The following TGFBI variants were observed in gnomAD, a reference collection of about 807,000 sequenced individuals.
TGFBI encodes the protein transforming growth factor beta induced.
A neutral mutation model predicts 73.7 loss-of-function variants in TGFBI; 50 were observed. The observed-to-expected ratio is 0.68, with a 90% confidence interval of 0.54 to 0.86. TGFBI has a LOEUF of 0.86. Ranked by LOEUF, TGFBI falls within the 40% of genes least tolerant of loss-of-function variation. The pLI is 0.00. For synonymous variants in TGFBI, 362 were observed against 360.5 expected (o/e 1.00, Z -0.05); for missense variants, 839 against 877.0 (o/e 0.96, Z 0.55).
At chr5:136,052,778 G>A (rs1751558021) in intron 7 of TGFBI, 129 bp from the exon 8 acceptor site, 2 of 893,718 alleles carry the variant, frequency 2.2e-6, no homozygotes, top group African/African-American at 1.7e-5. Context: ...GGGCCCTGTG[G>A]TGCCCCAGCC....
At chr5:136,041,267 T>G (rs180966291) in intron 2 of TGFBI, among the ~76,000 whole-genome samples, 2 of 152,328 alleles carry the variant, frequency 1.3e-5, no homozygotes, top group South Asian at 2.1e-4. Context: ...CACACTCGGT[T>G]AACCAGGAAA....
intron 2 of TGFBI, among the ~76,000 whole-genome samples, chr5:136,036,605 C>T (rs1436685282): frequency 1.3e-5 from 2 of 152,104 alleles, no homozygotes; most frequent in Non-Finnish European, 2.9e-5. Flanking sequence ...ACTGTCTGAC[C>T]ACCATACGGT....
intron 4 of TGFBI, 169 bp downstream of exon 4, chr5:136,046,664 A>T: frequency 8.3e-7 from 1 of 1,207,810 alleles, no homozygotes; most frequent in South Asian, 1.6e-5. Flanking sequence ...ATGTCTTACC[A>T]GGTTGCGTCT....
At position 136,054,814 on chromosome 5, in the gene TGFBI, C is replaced by T; in HGVS notation, c.1363C>T (p.Leu455=). The part of the protein sequence containing the change: ...ASKYLYHGQT[L]ETLGGKKLRV... Reference sequence around the variant, plus strand: ...TAAGTATCTGTACCATGGACAGACCCTGGAAACTCTGGGCGGCAAAAAACT... The same window carrying T: ...TAAGTATCTGTACCATGGACAGACCTTGGAAACTCTGGGCGGCAAAAAACT... The change falls in exon 10 of 17, where the codon CTG becomes TTG. Residue 455 remains leucine, a synonymous_variant. Coordinates refer to ENST00000442011, the MANE Select transcript of TGFBI (RefSeq NM_000358.3). The T allele has an allele frequency of 6.2e-7, 1 of 1,613,942 alleles. No homozygotes were observed. The highest frequency in any genetic ancestry group is 8.5e-7 in the Non-Finnish European group (1 of 1,179,886).
At chr5:136,050,736 A>G (rs1415410583) in intron 7 of TGFBI, among the ~76,000 whole-genome samples, 1 of 152,234 alleles carries the variant, frequency 6.6e-6, no homozygotes, top group Non-Finnish European at 1.5e-5. Context: ...TGCATTTCAG[A>G]CACCCTATAC....
At chr5:136,053,477 C>T (rs1183850722) in intron 8 of TGFBI, among the ~76,000 whole-genome samples, 1 of 152,236 alleles carries the variant, frequency 6.6e-6, no homozygotes, top group African/African-American at 2.4e-5. Context: ...GTCACTGACC[C>T]AGTTAGAATG....
At position 136,060,695 on chromosome 5, in the gene TGFBI, A is replaced by G. The variant is rs1048730067; in HGVS notation, c.1804-139A>G. Reference sequence around the variant, plus strand: ...ACTGCACTCCAGCCTGGGCGACAAGATTGAAACTCCATCTCAAAAACAAAG... The same window carrying G: ...ACTGCACTCCAGCCTGGGCGACAAGGTTGAAACTCCATCTCAAAAACAAAG... On this transcript the variant is annotated intron_variant, in intron 13 of 16. Coordinates refer to ENST00000442011, the MANE Select transcript of TGFBI (RefSeq NM_000358.3). 6 of 585,974 alleles carry G rather than the reference A, an allele frequency of 1.0e-5. No individual in the cohort carries two copies. The African/African-American group carries it at 1.1e-4, about 11-fold the overall frequency. The allele number at this position is 585,974 out of a possible 1,614,324, so 36.3% of individuals were successfully genotyped here.
chr5:136,061,052 T>G, intron 14 of TGFBI, 116 bp downstream of exon 14: 1 of 773,226 alleles, frequency 1.3e-6, no homozygotes, highest in Non-Finnish European at 2.0e-6. Flanking sequence ...TTGTGATAGT[T>G]AAACTGTGCC....
chr5:136,062,907 G>A (rs1023667987), intron 16 of TGFBI, among the ~76,000 whole-genome samples: 4 of 152,208 alleles, frequency 2.6e-5, no homozygotes, highest in African/African-American at 7.2e-5. Flanking sequence ...AACCTTTTAG[G>A]GTTAAGGTGA....
rs372436914 is a variant in TGFBI, at chr5:136,046,410, C to T, written c.374C>T (p.Thr125Met). ...ACCACTCAGCTGTACACGGACCGCACGGAGAAGCTGAGGCCTGAGATGGAG... is the reference window on the plus strand; with the variant it reads ...ACCACTCAGCTGTACACGGACCGCATGGAGAAGCTGAGGCCTGAGATGGAG... ...STTTQLYTDR[T>M]EKLRPEMEGP... The change falls in exon 4 of 17, where the codon ACG becomes ATG. Residue 125 changes from threonine (T) to methionine (M), a missense_variant. Thr to Met is a moderately conservative substitution (Grantham distance 81). Transcript: ENST00000442011. 1.9e-5 allele frequency: 31 copies of T among 1,613,778 alleles called. No homozygotes were observed. The highest frequency in any genetic ancestry group is 1.6e-4 in the Middle Eastern group (1 of 6,080).
At position 136,046,790 on chromosome 5, in the gene TGFBI, G is replaced by C. The variant is rs1340002224; in HGVS notation, c.460-61G>C. Reference sequence around the variant, plus strand: ...GAGAACATGTTTCCCAGAGTTGCAAGGACCCATCTCTTAAACACAGAGTCT... The same window carrying C: ...GAGAACATGTTTCCCAGAGTTGCAACGACCCATCTCTTAAACACAGAGTCT... On this transcript the variant is annotated intron_variant, in intron 4 of 16. Transcript: ENST00000442011. 18 of 1,551,810 alleles carry C rather than the reference G, an allele frequency of 1.2e-5. No individual in the cohort carries two copies. The South Asian group carries it at 2.2e-4, about 19-fold the overall frequency.
chr5:136,044,434 C>T (rs1017937740), intron 3 of TGFBI, among the ~76,000 whole-genome samples: 6 of 152,256 alleles, frequency 3.9e-5, no homozygotes, highest in Admixed American at 2.0e-4. Flanking sequence ...CTGCCTCTGG[C>T]TGGGAGTGAT....
chr5:136,053,069 C>A lies in TGFBI; in HGVS notation c.1076C>A (p.Ala359Asp), dbSNP rs181628475. The A allele has an allele frequency of 6.2e-7, 1 of 1,614,062 alleles. No homozygotes were observed. Among genetic ancestry groups the A allele is most frequent in the Non-Finnish European group, 8.5e-7 (1 of 1,179,900 alleles). ...KAIISNKDIL[A>D]TNGVIHYIDE... ...ATCATCTCCAATAAAGACATCCTAG[C>A]CACCAACGGGGTGATCCACTACATT... The change falls in exon 8 of 17, where the codon GCC (alanine) becomes GAC (aspartate). Residue 359 changes from alanine (A) to aspartate (D), a missense_variant. Physicochemically the swap from Ala to Asp is moderately radical, Grantham distance 126 (BLOSUM62 -2). Transcript: ENST00000442011.
intron 15 of TGFBI, 98 bp downstream of exon 15, chr5:136,061,677 T>C (rs769336010): frequency 2.1e-6 from 2 of 975,172 alleles, no homozygotes; most frequent in Admixed American, 3.7e-5. Context: ...CCTTGGCTGC[T>C]CCCCAGGGCT....
chr5:136,061,638 C>A, intron 15 of TGFBI, 59 bp downstream of exon 15: 1 of 1,415,028 alleles, frequency 7.1e-7, no homozygotes, highest in Non-Finnish European at 1.0e-6. Flanking sequence ...CTGTTTGGGC[C>A]ATAGAGGAGC....
intron 12 of TGFBI, among the ~76,000 whole-genome samples, chr5:136,058,091 A>T (rs1302235085): frequency 1.3e-5 from 2 of 152,070 alleles, no homozygotes; most frequent in African/African-American, 4.8e-5. Flanking sequence ...AGGACATCCC[A>T]TGCACCCCAG....
At chr5:136,035,827 G>A (rs920589040) in intron 2 of TGFBI, among the ~76,000 whole-genome samples, 1 of 152,072 alleles carries the variant, frequency 6.6e-6, no homozygotes, top group Non-Finnish European at 1.5e-5. Context: ...GGGCTTCAGA[G>A]GGCCATCTTT....
chr5:136,046,068 A>G, intron 3 of TGFBI: 1 of 321,068 alleles, frequency 3.1e-6, no homozygotes, highest in East Asian at 5.2e-5. Flanking sequence ...AATGTCTGGG[A>G]ACAAGAGCTG....
At chr5:136,045,367 ACT>A (rs1751409971) in intron 3 of TGFBI, among the ~76,000 whole-genome samples, 1 of 152,058 alleles carries the variant, frequency 6.6e-6, no homozygotes, top group East Asian at 1.9e-4. Context: ...ACATAGTGAA[ACT>A]CTGTCTCTAC....
Sources: allele counts gnomAD v4.1 joint callset (sites outside exome capture counted in the v4.1 genomes callset), GRCh38; gene constraint gnomAD v4.1.1; transcripts MANE v1.5; gene names NCBI Gene and HGNC (gene_info 2026-07-23, HGNC 2026-07-21).